Variants in ZNF536 observed in about 807,000 individuals in gnomAD.
ZNF536 encodes the protein zinc finger protein 536.
In ZNF536, 13 loss-of-function variants were observed where a neutral mutation model predicts 84.5. The ratio of observed to expected loss-of-function variants is 0.15; its 90% CI spans 0.10 to 0.24. The LOEUF is 0.24. Ranked by LOEUF, ZNF536 falls within the 10% of genes least tolerant of loss-of-function variation. ZNF536 has a pLI of 1.00. For synonymous variants in ZNF536, 811 were observed against 742.5 expected (o/e 1.09, Z -1.50); for missense variants, 1,536 against 1,747.5 (o/e 0.88, Z 2.16).
intron 2 of ZNF536, among the ~76,000 whole-genome samples, chr19:30,491,030 C>T (rs570598456): frequency 2.0e-4 from 30 of 152,214 alleles, no homozygotes; most frequent in African/African-American, 7.2e-4. Context: ...GAATGTGCAA[C>T]TCCAATGAGA....
At chr19:30,577,512 G>A (rs537344905) in intron 1 of ZNF536, among the ~76,000 whole-genome samples, 4 of 152,154 alleles carry the variant, frequency 2.6e-5, no homozygotes, top group African/African-American at 9.6e-5. Flanking sequence ...TTTATTCCTT[G>A]AGATAGTATT....
chr19:30,565,911 C>T (rs1186573296), intron 1 of ZNF536, among the ~76,000 whole-genome samples: 1 of 152,128 alleles, frequency 6.6e-6, no homozygotes, highest in Non-Finnish European at 1.5e-5. Flanking sequence ...AACCTGATAG[C>T]CCATCTCACA....
chr19:30,344,954 G>T (rs1327896731), intron 2 of ZNF536, among the ~76,000 whole-genome samples: 2 of 152,182 alleles, frequency 1.3e-5, no homozygotes, highest in Non-Finnish European at 2.9e-5. Context: ...CAGATTGGAT[G>T]CTACTTTCTG....
chr19:30,457,461 G>T (rs1029909227), intron 2 of ZNF536, among the ~76,000 whole-genome samples: 1 of 152,240 alleles, frequency 6.6e-6, no homozygotes, highest in African/African-American at 2.4e-5. Context: ...GGCATCCCAG[G>T]CTGGGAAGGG....
intron 1 of ZNF536, among the ~76,000 whole-genome samples, chr19:30,382,498 C>G (rs568909267): frequency 6.6e-6 from 1 of 151,922 alleles, no homozygotes; most frequent in Admixed American, 6.5e-5. Context: ...ATCTGCACTT[C>G]TTTATTTAGG....
rs149480684 is a variant in ZNF536 at position 30,608,429 on chromosome 19, T to C, written c.169+58915T>C. Among the ~76,000 whole-genome samples the C allele has an allele frequency of 5.6e-4, 85 of 152,084 alleles. 2 individuals are homozygous for C. The highest frequency in any genetic ancestry group is 2.0e-3 in the African/African-American group (82 of 41,476). The stretch of plus-strand genomic sequence containing the variant: ...TGAGACCCGGGAGACTTGTGTAGGG[T>C]GATATGATGCATACCAAAATGAGAG... On this transcript the variant is annotated intron_variant, in intron 1 of 1. Transcript: ENST00000592773.
chr19:30,469,652 G>C (rs777195326), intron 2 of ZNF536, among the ~76,000 whole-genome samples: 69 of 152,190 alleles, frequency 4.5e-4, no homozygotes, highest in Non-Finnish European at 3.4e-4. Context: ...GCCATGCACA[G>C]GTGTACCCAT....
chr19:30,229,232 A>AT (rs2144606474), intron 1 of ZNF536, among the ~76,000 whole-genome samples: 2 of 152,144 alleles, frequency 1.3e-5, no homozygotes, highest in South Asian at 4.2e-4. Flanking sequence ...CCCCAGCATC[A>AT]TTTATTTCTT....
chr19:30,511,303 A>T (rs925002210), intron 2 of ZNF536, among the ~76,000 whole-genome samples: 4 of 151,816 alleles, frequency 2.6e-5, no homozygotes, highest in African/African-American at 9.7e-5. Flanking sequence ...AATGTCACAG[A>T]CCCCCAATAT....
chr19:30,572,236 G>A (rs1469828361), intron 1 of ZNF536, among the ~76,000 whole-genome samples: 2 of 152,204 alleles, frequency 1.3e-5, no homozygotes, highest in Non-Finnish European at 1.5e-5. Flanking sequence ...GCTTCCTGAG[G>A]CTGGTGTCTG....
chr19:30,600,531 G>A (rs938518152), intron 1 of ZNF536, among the ~76,000 whole-genome samples: 2 of 152,188 alleles, frequency 1.3e-5, no homozygotes, highest in Non-Finnish European at 2.9e-5. Context: ...CAGGGTTCCA[G>A]GCACTTCCTC....
intron 2 of ZNF536, among the ~76,000 whole-genome samples, chr19:30,342,631 A>G (rs759943380): frequency 2.0e-5 from 3 of 152,224 alleles, no homozygotes; most frequent in Non-Finnish European, 2.9e-5. Flanking sequence ...TGAAATTCAT[A>G]AACTCAGTGG....
At chr19:30,369,941 T>C (rs2048557650), upstream of ZNF536, among the ~76,000 whole-genome samples, 1 of 152,116 alleles carries the variant, frequency 6.6e-6, no homozygotes, top group African/African-American at 2.4e-5. Flanking sequence ...CTGGATCCAA[T>C]TAAAAAAAAT....
intron 2 of ZNF536, among the ~76,000 whole-genome samples, chr19:30,480,254 A>G (rs925282535): frequency 6.6e-6 from 1 of 152,154 alleles, no homozygotes; most frequent in Non-Finnish European, 1.5e-5. Context: ...GTGGGTCAAC[A>G]GGTCTCTCTT....
intron 1 of ZNF536, among the ~76,000 whole-genome samples, chr19:30,652,527 G>A (rs1404219569): frequency 6.6e-6 from 1 of 152,156 alleles, no homozygotes; most frequent in Non-Finnish European, 1.5e-5. Flanking sequence ...AGTCACGCAA[G>A]TAAAGCTGAG....
intron 1 of ZNF536, among the ~76,000 whole-genome samples, chr19:30,681,470 C>T (rs984164156): frequency 2.6e-5 from 4 of 152,122 alleles, no homozygotes; most frequent in African/African-American, 9.7e-5. Flanking sequence ...GGGGCGTGCC[C>T]AGCAGAAAGT....
intron 1 of ZNF536, among the ~76,000 whole-genome samples, chr19:30,601,102 C>T (rs971730409): frequency 7.9e-5 from 12 of 152,130 alleles, no homozygotes; most frequent in African/African-American, 2.2e-4. Context: ...ACAGTGAGGA[C>T]GCTGAAATCT....
chr19:30,400,564 GT>G (rs1313843886), intron 1 of ZNF536, among the ~76,000 whole-genome samples: 1 of 151,968 alleles, frequency 6.6e-6, no homozygotes, highest in Non-Finnish European at 1.5e-5. Context: ...GTTTTGAGGG[GT>G]TTTGTTTTGT....
intron 2 of ZNF536, among the ~76,000 whole-genome samples, chr19:30,451,847 A>G (rs1456998895): frequency 1.3e-5 from 2 of 152,238 alleles, no homozygotes; most frequent in African/African-American, 2.4e-5. Flanking sequence ...TGTTAGCGCA[A>G]GGGACGGAAC....
Sources: gnomAD v4.1 joint callset for allele counts (sites outside exome capture counted in the v4.1 genomes callset) on GRCh38, gnomAD v4.1.1 for gene constraint, MANE v1.5 for transcripts, NCBI Gene and HGNC (gene_info 2026-07-23, HGNC 2026-07-21) for gene names.